The following HOMER1 variants were observed in gnomAD, a reference collection of about 807,000 sequenced individuals.
HOMER1 encodes the protein homer protein homolog 1.
Under a neutral mutation model 48.9 loss-of-function variants are expected in HOMER1, and 3 were observed. The ratio of observed to expected loss-of-function variants is 0.06; its 90% CI spans 0.03 to 0.16. The LOEUF (loss-of-function observed/expected upper bound fraction) is 0.16. Ranked by LOEUF, HOMER1 falls within the 10% of genes least tolerant of loss-of-function variation. The pLI is 1.00. For synonymous variants in HOMER1, 134 were observed against 146.4 expected (o/e 0.92, Z 0.61); for missense variants, 247 against 411.4 (o/e 0.60, Z 3.46).
chr5:79,463,697 G>A (rs1041822138), intron 1 of HOMER1, among the ~76,000 whole-genome samples: 8 of 152,122 alleles, frequency 5.3e-5, no homozygotes, highest in Non-Finnish European at 8.8e-5. Flanking sequence ...GCTACACACT[G>A]GTCATTCATT....
intron 1 of HOMER1, among the ~76,000 whole-genome samples, chr5:79,503,678 TA>T (rs1752669831): frequency 7.1e-6 from 1 of 141,618 alleles, no homozygotes. Flanking sequence ...CCGTCTCTAT[TA>T]AAAATACAAA....
chr5:79,448,861 T>C (rs1301254073), intron 3 of HOMER1, among the ~76,000 whole-genome samples: 1 of 151,958 alleles, frequency 6.6e-6, no homozygotes. Flanking sequence ...TAAGCTAGAA[T>C]TGGCTCCAAG....
At chr5:79,408,140 C>T (rs1290224804) in intron 5 of HOMER1, among the ~76,000 whole-genome samples, 2 of 152,062 alleles carry the variant, frequency 1.3e-5, no homozygotes, top group Non-Finnish European at 2.9e-5. Flanking sequence ...TCACTACTAT[C>T]CATGGTTTCA....
At chr5:79,458,079 T>C (rs1293507661) in intron 1 of HOMER1, among the ~76,000 whole-genome samples, 1 of 152,120 alleles carries the variant, frequency 6.6e-6, no homozygotes, top group Non-Finnish European at 1.5e-5. Flanking sequence ...ATCTCTTACT[T>C]AGATCAAGCA....
At chr5:79,385,488 A>G (rs1749085685) in intron 8 of HOMER1, among the ~76,000 whole-genome samples, 1 of 152,188 alleles carries the variant, frequency 6.6e-6, no homozygotes, top group East Asian at 1.9e-4. Context: ...GCTAACAGGT[A>G]TATTAAAAAA....
At position 79,489,099 on chromosome 5, in the gene HOMER1, A is replaced by G. The variant is rs576049251; in HGVS notation, c.5+23671T>C. The stretch of plus-strand genomic sequence containing the variant: ...ACATACACAGACTCTATTCTCAAAG[A>G]CAGTTCATCTAAAAAAAATCTTGTT... On this transcript the variant is annotated intron_variant, in intron 1 of 8. Transcript: ENST00000334082. Among the ~76,000 whole-genome samples, 9 of 152,342 alleles carry G rather than the reference A, an allele frequency of 5.9e-5. 1 individual carries two copies. Among genetic ancestry groups the G allele is most frequent in the African/African-American group, 2.2e-4 (9 of 41,586 alleles).
rs1294358350 is a variant in HOMER1 at position 79,513,949 on chromosome 5, C to CCCG, written c.-1178_-1176dup. 4 of 155,416 alleles carry CCCG rather than the reference C, an allele frequency of 2.6e-5. No homozygotes were observed. Among genetic ancestry groups the CCCG allele is most frequent in the East Asian group, 3.8e-4 (2 of 5,276 alleles). 9.6% of individuals were successfully genotyped at this position (155,416 alleles called of 1,614,324 possible). A position where few individuals can be genotyped will look rare whatever the true frequency, so the allele number is the denominator to read the frequency against. On this transcript the variant is annotated 5_prime_UTR_variant, in exon 1 of 9. Coordinates refer to ENST00000334082, the MANE Select transcript of HOMER1 (RefSeq NM_004272.5). ...ACGCGCCGCCTCACATTCCCCGGGC[C>CCCG]CCGCCGCCGCCTCTTCACACTTCCA... is the stretch of plus-strand genomic sequence containing the variant.
chr5:79,493,255 A>G (rs550839701), intron 1 of HOMER1, among the ~76,000 whole-genome samples: 4 of 152,224 alleles, frequency 2.6e-5, no homozygotes, highest in Non-Finnish European at 4.4e-5. Flanking sequence ...TGTGCTCTTC[A>G]GGTACAATAA....
intron 5 of HOMER1, among the ~76,000 whole-genome samples, chr5:79,429,926 G>A (rs1213706874): frequency 6.6e-6 from 1 of 152,024 alleles, no homozygotes; most frequent in East Asian, 1.9e-4. Context: ...GGGAGGCTGA[G>A]GCAGGGGAAT....
intron 8 of HOMER1, among the ~76,000 whole-genome samples, chr5:79,386,699 T>C (rs181257232): frequency 6.6e-6 from 1 of 152,288 alleles, no homozygotes; most frequent in Non-Finnish European, 1.5e-5. Context: ...TTACACAGTC[T>C]ACACATGTAA....
At chr5:79,483,141 C>A (rs760967398) in intron 1 of HOMER1, among the ~76,000 whole-genome samples, 2 of 152,000 alleles carry the variant, frequency 1.3e-5, no homozygotes, top group Non-Finnish European at 2.9e-5. Context: ...AAAGGGACAT[C>A]ATAATTAAAT....
At chr5:79,392,819 TG>T (rs1439263135) in intron 8 of HOMER1, among the ~76,000 whole-genome samples, 1 of 152,144 alleles carries the variant, frequency 6.6e-6, no homozygotes, top group Non-Finnish European at 1.5e-5. Flanking sequence ...CCTTTTCTAC[TG>T]TATTTTTACT....
At chr5:79,492,799 G>A (rs1309116909) in intron 1 of HOMER1, among the ~76,000 whole-genome samples, 1 of 151,768 alleles carries the variant, frequency 6.6e-6, no homozygotes, top group East Asian at 1.9e-4. Context: ...CCGCTAAGGG[G>A]GGAAAAAGTG....
At chr5:79,419,647 GAAT>G (rs575409667) in intron 5 of HOMER1, among the ~76,000 whole-genome samples, 1 of 151,812 alleles carries the variant, frequency 6.6e-6, no homozygotes, top group Admixed American at 6.6e-5. Context: ...TATTCTTCAA[GAAT>G]AATATTAAAA....
At chr5:79,483,473 TTTATG>T (rs1752003408) in intron 1 of HOMER1, among the ~76,000 whole-genome samples, 1 of 151,344 alleles carries the variant, frequency 6.6e-6, no homozygotes, top group Non-Finnish European at 1.5e-5. Context: ...TGGTTAATGG[TTTATG>T]TTATGTGAAT....
At chr5:79,422,964 A>C (rs541793464) in intron 5 of HOMER1, among the ~76,000 whole-genome samples, 9 of 152,186 alleles carry the variant, frequency 5.9e-5, no homozygotes, top group African/African-American at 2.2e-4. Context: ...TGAATTAAAA[A>C]CAAGTGATAG....
intron 8 of HOMER1, among the ~76,000 whole-genome samples, chr5:79,378,222 C>CAAAAAAAAAAAAAAAAAAAAAAAAAAAA (rs58802660): frequency 1.2e-5 from 1 of 85,562 alleles, no homozygotes; most frequent in African/African-American, 3.9e-5. Context: ...GACTCTGTCT[C>CAAAAAAAAAAAAAAAAAAAAAAAAAAAA]AAAAAAAAAA....
chr5:79,492,389 A>G (rs73124198), intron 1 of HOMER1, among the ~76,000 whole-genome samples: 13,161 of 152,172 alleles, frequency 0.086, 1,242 homozygotes, highest in African/African-American at 0.23. Context: ...ATAACTTCTG[A>G]AACTGTTTCC....
At chr5:79,413,747 A>G (rs949325017) in intron 5 of HOMER1, among the ~76,000 whole-genome samples, 4 of 152,048 alleles carry the variant, frequency 2.6e-5, no homozygotes, top group Middle Eastern at 3.4e-3. Context: ...AGGTGCTTTC[A>G]TATCAGCCTG....
Sources: gnomAD v4.1 joint callset for allele counts (sites outside exome capture counted in the v4.1 genomes callset) on GRCh38, gnomAD v4.1.1 for gene constraint, MANE v1.5 for transcripts, NCBI Gene and HGNC (gene_info 2026-07-23, HGNC 2026-07-21) for gene names.